AGO2: variants seen among roughly 807,000 people sequenced by gnomAD.
The protein encoded by AGO2 is argonaute RISC catalytic component 2.
AGO2 carries 5 observed loss-of-function variants against 102.3 expected under a neutral mutation model. The observed-to-expected ratio is 0.05, with a 90% CI of 0.03 to 0.10. The LOEUF is 0.10. AGO2 is among the 10% of genes least tolerant of loss of function. The pLI is 1.00. For synonymous variants in AGO2, 449 were observed against 473.1 expected (o/e 0.95, Z 0.66); for missense variants, 541 against 1,183.7 (o/e 0.46, Z 7.97).
At chr8:140,556,977 C>G (rs1176548593) in intron 8 of AGO2, 112 bp downstream of exon 8, 20 of 1,418,098 alleles carry the variant, frequency 1.4e-5, no homozygotes, top group Non-Finnish European at 1.9e-5. Flanking sequence ...GCAGCAGAGG[C>G]AGTGCCATTT....
At chr8:140,552,992 G>GT (rs1349023143) in intron 10 of AGO2, among the ~76,000 whole-genome samples, 1 of 152,156 alleles carries the variant, frequency 6.6e-6, no homozygotes, top group East Asian at 1.9e-4. Context: ...GGGATATTTT[G>GT]TTTTTTTGCA....
Position 140,603,310 on chromosome 8 carries a change from C to T in AGO2, c.23-17999G>A, listed in dbSNP as rs577892266. Among the ~76,000 whole-genome samples the T allele has an allele frequency of 1.1e-3, 172 of 152,274 alleles. 2 individuals are homozygous for T. Among genetic ancestry groups the T allele is most frequent in the Admixed American group, 2.7e-3 (42 of 15,288 alleles). On this transcript the variant is annotated intron_variant, in intron 1 of 18. Coordinates refer to ENST00000220592, the MANE Select transcript of AGO2 (RefSeq NM_012154.5). ...GTGCCTCCACACCGGGCTGTGTTTG[C>T]GGAGCTGGGATGATAAGTGTGCAAG...
In AGO2 at chr8:140,557,559, T is replaced by C. The variant is rs1385211900; in HGVS notation, c.879-323A>G. On this transcript the variant is annotated intron_variant, in intron 7 of 18. Transcript: ENST00000220592. This position sits in a 1 kb window ranked among gnomAD's most constrained non-coding sequence, Gnocchi z 5.9. ...GGCCTGCGCGTCTTCCAGCAGACCG[T>C]GGTGACCCTGGAAGCCTTTTACGTG... Among the ~76,000 whole-genome samples the C allele has an allele frequency of 6.6e-6, 1 of 152,204 alleles. No individual in the cohort carries two copies. The highest frequency in any genetic ancestry group is 2.4e-5 in the African/African-American group (1 of 41,444).
At chr8:140,584,778 A>G (rs1428055397) in intron 2 of AGO2, among the ~76,000 whole-genome samples, 1 of 152,132 alleles carries the variant, frequency 6.6e-6, no homozygotes, top group African/African-American at 2.4e-5. Flanking sequence ...GAATGCCGTG[A>G]CTTTAGGGGC....
chr8:140,533,363 T>C (rs1213634064), intron 17 of AGO2, among the ~76,000 whole-genome samples: 2 of 132,640 alleles, frequency 1.5e-5, no homozygotes, highest in East Asian at 4.4e-4. Flanking sequence ...CACTCCAGCC[T>C]AGGGGACAGA....
chr8:140,547,796 T>A (rs1469074931), intron 12 of AGO2, among the ~76,000 whole-genome samples, 169 bp from the exon 13 acceptor site: 1 of 152,026 alleles, frequency 6.6e-6, no homozygotes, highest in Non-Finnish European at 1.5e-5. Flanking sequence ...TAGAAGAGGG[T>A]CCCTGGTCCC....
chr8:140,560,461 T>G lies in AGO2; in HGVS notation c.568A>C (p.Asn190His). The G allele has an allele frequency of 6.2e-7, 1 of 1,614,090 alleles. No individual in the cohort carries two copies. The highest frequency in any genetic ancestry group is 8.5e-7 in the Non-Finnish European group (1 of 1,179,994). The change falls in exon 5 of 19, where the codon AAC becomes CAC. Residue 190 changes from asparagine to histidine, a missense_variant. This residue lies in a region of AGO2 where 26 missense variants were observed against 52.0 expected (regional missense o/e 0.50). Transcript: ENST00000220592. The part of the protein sequence containing the change: ...SFFTASEGCS[N>H]PLGGGREVWF... ...ACTTCTCGGCCCCCGCCAAGAGGGT[T>G]AGAGCAGCCTTCGGACGCGGTGAAG...
Position 140,557,825 on chromosome 8 carries a change from A to T in AGO2, c.879-589T>A, listed in dbSNP as rs559207735. Among the ~76,000 whole-genome samples the T allele has an allele frequency of 2.3e-4, 35 of 152,198 alleles. No individual in the cohort carries two copies. The highest frequency in any genetic ancestry group is 4.3e-4 in the Non-Finnish European group (29 of 68,024). The stretch of plus-strand genomic sequence containing the variant: ...TTCTACTGCACAGACCCCTTCCCCC[A>T]ATCCAGACTGCCGGGCCATCTGCAG... On this transcript the variant is annotated intron_variant, in intron 7 of 18. Transcript: ENST00000220592. The surrounding 1 kb of genome is among the most constrained non-coding windows in gnomAD (Gnocchi z 5.9).
At chr8:140,601,145 T>G (rs1443010769) in intron 1 of AGO2, among the ~76,000 whole-genome samples, 1 of 152,180 alleles carries the variant, frequency 6.6e-6, no homozygotes, top group Non-Finnish European at 1.5e-5. Flanking sequence ...CATCTGCACC[T>G]GGAGACAGCC....
At chr8:140,536,565 TCTGC>T (rs879431163) in intron 16 of AGO2, among the ~76,000 whole-genome samples, 1 of 152,254 alleles carries the variant, frequency 6.6e-6, no homozygotes, top group Non-Finnish European at 1.5e-5. Flanking sequence ...GACCTCATGA[TCTGC>T]CTGCCTCGGC....
intron 1 of AGO2, among the ~76,000 whole-genome samples, chr8:140,586,772 G>A (rs2073665344): frequency 6.6e-6 from 1 of 152,172 alleles, no homozygotes; most frequent in African/African-American, 2.4e-5. Context: ...ACGTGGCCCT[G>A]TTCTCAGGTG....
intron 1 of AGO2, among the ~76,000 whole-genome samples, chr8:140,612,869 A>G (rs1051269213): frequency 4.6e-5 from 7 of 152,072 alleles, no homozygotes; most frequent in African/African-American, 1.7e-4. Flanking sequence ...ACATAGCTGC[A>G]TGAGGCCAGA....
intron 2 of AGO2, among the ~76,000 whole-genome samples, chr8:140,574,597 C>A (rs1181264844): frequency 2.0e-5 from 3 of 152,090 alleles, no homozygotes; most frequent in Non-Finnish European, 1.5e-5. Context: ...ACCCAACTCA[C>A]TAAATGCCTG....
In AGO2 at chr8:140,557,309, T is replaced by C. The variant is rs2073114055; in HGVS notation, c.879-73A>G. On this transcript the variant is annotated intron_variant, in intron 7 of 18. Transcript: ENST00000220592. The surrounding 1 kb of genome is among the most constrained non-coding windows in gnomAD (Gnocchi z 5.9). Reference sequence around the variant, plus strand: ...TCCCCTGCGCTGCTTTTCATTTGCGTTTGCTTTTTAGGGTGACGTGTGAGG... The same window carrying C: ...TCCCCTGCGCTGCTTTTCATTTGCGCTTGCTTTTTAGGGTGACGTGTGAGG... The C allele has an allele frequency of 5.3e-6, 8 of 1,516,042 alleles. 1 individual carries two copies. The Middle Eastern group carries it at 7.0e-4, about 132-fold the overall frequency. The allele number at this position is 1,516,042 out of a possible 1,614,324, so 93.9% of individuals were successfully genotyped here.
chr8:140,632,022 C>T (rs575151003), intron 1 of AGO2, among the ~76,000 whole-genome samples: 5 of 152,240 alleles, frequency 3.3e-5, no homozygotes, highest in South Asian at 2.1e-4. Flanking sequence ...TTCACAGTAA[C>T]GATTCGTGAA....
chr8:140,533,613 C>T (rs983312576), intron 17 of AGO2, among the ~76,000 whole-genome samples: 3 of 151,966 alleles, frequency 2.0e-5, no homozygotes, highest in Admixed American at 2.0e-4. Flanking sequence ...TTGAGACCAG[C>T]CTGGCCAACA....
rs573271100 is a variant in AGO2 at position 140,610,923 on chromosome 8, CAT to C, written c.22+24560_22+24561del. 1.3e-4 allele frequency among the ~76,000 whole-genome samples: 20 copies of C among 152,374 alleles called. 1 individual carries two copies. The South Asian group carries it at 2.5e-3, about 19-fold the overall frequency. On this transcript the variant is annotated intron_variant, in intron 1 of 18. Coordinates refer to ENST00000220592, the MANE Select transcript of AGO2 (RefSeq NM_012154.5). ...CTCTTCTTGGGTGGTTTTATTCAAA[CAT>C]GTGTGTAAATCATGATACAATTTAA...
chr8:140,540,709 C>T lies in AGO2; in HGVS notation c.2034+455G>A, dbSNP rs1455790856. Reference sequence around the variant, plus strand: ...CGCGTCCTGGCGACCCTACCTTCAACAGAGCTGCCACCTATCCATCCTTCT... The same window carrying T: ...CGCGTCCTGGCGACCCTACCTTCAATAGAGCTGCCACCTATCCATCCTTCT... On this transcript the variant is annotated intron_variant, in intron 15 of 18. Coordinates refer to ENST00000220592, the MANE Select transcript of AGO2 (RefSeq NM_012154.5). This position sits in a 1 kb window ranked among gnomAD's most constrained non-coding sequence, Gnocchi z 5.0. Among the ~76,000 whole-genome samples the T allele has an allele frequency of 6.6e-6, 1 of 152,228 alleles. No homozygotes were observed. Among genetic ancestry groups the T allele is most frequent in the African/African-American group, 2.4e-5 (1 of 41,464 alleles).
chr8:140,596,425 A>G (rs369437166), intron 1 of AGO2, among the ~76,000 whole-genome samples: 4 of 152,208 alleles, frequency 2.6e-5, no homozygotes, highest in East Asian at 1.9e-4. Flanking sequence ...CTCTACTAAA[A>G]ATACAAAATT....
Sources: gnomAD v4.1 joint callset for allele counts (sites outside exome capture counted in the v4.1 genomes callset) on GRCh38, gnomAD v4.1.1 for gene constraint, gnomAD v4.1.1 regional missense constraint, Gnocchi (gnomAD v3.1) non-coding constraint, MANE v1.5 for transcripts, NCBI Gene and HGNC (gene_info 2026-07-23, HGNC 2026-07-21) for gene names.